TRAPPC9: variants seen among roughly 807,000 people sequenced by gnomAD.
The protein encoded by TRAPPC9 is trafficking protein particle complex subunit 9.
In TRAPPC9, 83 loss-of-function variants were observed where a neutral mutation model predicts 124.0. The observed-to-expected ratio is 0.67, with a 90% CI of 0.56 to 0.80. TRAPPC9 has a LOEUF of 0.80. Ranked by LOEUF, TRAPPC9 falls within the 30% of genes least tolerant of loss-of-function variation. The pLI, the probability that TRAPPC9 is intolerant of heterozygous loss-of-function variation, is 0.00. For missense variants in TRAPPC9, 1,302 were observed against 1,508.3 expected (o/e 0.86, Z 2.27); for synonymous variants, 638 against 617.5 (o/e 1.03, Z -0.49).
intron 21 of TRAPPC9, among the ~76,000 whole-genome samples, chr8:139,790,962 C>T (rs917071193): frequency 1.2e-4 from 18 of 152,124 alleles, no homozygotes; most frequent in African/African-American, 4.3e-4. Context: ...GCCCGCTCTA[C>T]CTTCTGCCAT....
intron 10 of TRAPPC9, among the ~76,000 whole-genome samples, chr8:140,301,182 C>T (rs1402865602): frequency 6.6e-6 from 1 of 152,226 alleles, no homozygotes; most frequent in Non-Finnish European, 1.5e-5. Flanking sequence ...AGAAGGTCAA[C>T]AGCACCCTCT....
At position 139,842,765 on chromosome 8, in the gene TRAPPC9, A is replaced by G. The variant is rs578231180; in HGVS notation, c.3055+43114T>C. Among the ~76,000 whole-genome samples, 24 of 152,284 alleles carry G rather than the reference A, an allele frequency of 1.6e-4. No individual in the cohort carries two copies. The South Asian group carries it at 5.0e-3, about 32-fold the overall frequency. On this transcript the variant is annotated intron_variant, in intron 21 of 22. Transcript: ENST00000438773. ...CATAGACGGGCTCAGGGTGCTGGCCATTGTGCTTCTGGGAGGGCATCCTGG... is the reference window on the plus strand; with the variant it reads ...CATAGACGGGCTCAGGGTGCTGGCCGTTGTGCTTCTGGGAGGGCATCCTGG...
rs138007133 is a variant in TRAPPC9, at chr8:139,955,914, G to A, written c.2810+32812C>T. Among the ~76,000 whole-genome samples the A allele has an allele frequency of 9.9e-4, 151 of 152,300 alleles. No homozygotes were observed. In the Middle Eastern group the frequency reaches 0.017, roughly 17 times the overall value. ...TGCCTTGCTGCCATCCAGCATGACT[G>A]CCCCAGTGCCCCGCCCTCCCTCATG... On this transcript the variant is annotated intron_variant, in intron 19 of 22. Coordinates refer to ENST00000438773, the MANE Select transcript of TRAPPC9 (RefSeq NM_001160372.4).
intron 5 of TRAPPC9, among the ~76,000 whole-genome samples, chr8:140,423,401 T>C (rs1217930824): frequency 4.6e-5 from 7 of 151,678 alleles, no homozygotes; most frequent in Admixed American, 2.0e-4. Flanking sequence ...GACCGCACCA[T>C]TGCACTCCAG....
intron 9 of TRAPPC9, among the ~76,000 whole-genome samples, chr8:140,321,632 G>C (rs1206393087): frequency 6.6e-6 from 1 of 152,180 alleles, no homozygotes; most frequent in Non-Finnish European, 1.5e-5. Context: ...ATTGGGCAGA[G>C]AACGGGGGAA....
intron 17 of TRAPPC9, among the ~76,000 whole-genome samples, chr8:140,159,566 CAT>C (rs1309369249): frequency 6.6e-6 from 1 of 152,204 alleles, no homozygotes; most frequent in Non-Finnish European, 1.5e-5. Context: ...AGCAATATTT[CAT>C]AGATAATGCC....
intron 17 of TRAPPC9, among the ~76,000 whole-genome samples, chr8:140,158,327 G>C (rs539177624): frequency 3.6e-4 from 55 of 152,298 alleles, no homozygotes; most frequent in Admixed American, 1.2e-3. Context: ...TAATCACAAG[G>C]GTCCTTATTA....
chr8:140,131,226 T>C (rs2061203410), intron 17 of TRAPPC9, among the ~76,000 whole-genome samples: 2 of 152,174 alleles, frequency 1.3e-5, no homozygotes, highest in Admixed American at 1.3e-4. Flanking sequence ...CTTTAGGGTA[T>C]ATCAGTAAAA....
chr8:139,808,229 CAGG>C (rs1195923412), intron 21 of TRAPPC9, among the ~76,000 whole-genome samples: 6 of 152,222 alleles, frequency 3.9e-5, no homozygotes, highest in Non-Finnish European at 5.9e-5. Context: ...GAGGCCGAGG[CAGG>C]AGGACTGCCT....
At chr8:140,365,490 G>A (rs1021914100) in intron 8 of TRAPPC9, among the ~76,000 whole-genome samples, 6 of 152,208 alleles carry the variant, frequency 3.9e-5, no homozygotes, top group African/African-American at 7.2e-5. Context: ...GAGATGCCCC[G>A]TAGGCAAACA....
chr8:140,436,264 T>C (rs2070810453), intron 3 of TRAPPC9, among the ~76,000 whole-genome samples: 1 of 152,144 alleles, frequency 6.6e-6, no homozygotes, highest in Non-Finnish European at 1.5e-5. Context: ...GAGAATCGCT[T>C]GAACCTGGGA....
intron 20 of TRAPPC9, among the ~76,000 whole-genome samples, chr8:139,902,416 G>C (rs991041124): frequency 6.6e-6 from 1 of 152,216 alleles, no homozygotes; most frequent in Non-Finnish European, 1.5e-5. Context: ...TCTCTCTGTG[G>C]CTGACAGGGC....
intron 19 of TRAPPC9, among the ~76,000 whole-genome samples, chr8:139,936,605 G>A (rs1397450646): frequency 1.3e-5 from 2 of 152,234 alleles, no homozygotes; most frequent in Non-Finnish European, 2.9e-5. Context: ...AAAGGTAAGT[G>A]TGTGGCACAC....
intron 11 of TRAPPC9, among the ~76,000 whole-genome samples, chr8:140,293,108 G>GA (rs1170501838): frequency 6.7e-6 from 1 of 148,354 alleles, no homozygotes; most frequent in African/African-American, 2.6e-5. Flanking sequence ...AAAAACACAT[G>GA]AAAAAATGCT....
intron 21 of TRAPPC9, among the ~76,000 whole-genome samples, chr8:139,852,828 C>A (rs1827571976): frequency 6.6e-6 from 1 of 152,122 alleles, no homozygotes; most frequent in Non-Finnish European, 1.5e-5. Flanking sequence ...GTTCATGATC[C>A]TTTATTCAAG....
intron 21 of TRAPPC9, among the ~76,000 whole-genome samples, chr8:139,853,903 T>A (rs2130944146): frequency 6.6e-6 from 1 of 152,358 alleles, no homozygotes; most frequent in Admixed American, 6.5e-5. Flanking sequence ...TATGTTAATA[T>A]TTTATACTAC....
At position 140,297,138 on chromosome 8, in the gene TRAPPC9, C is replaced by T. The variant is rs140211046; in HGVS notation, c.1768+3331G>A. ...GCTTACCGCAACACACGCTGGAGCA[C>T]ATCTGGGGCTGCCATCAGGCCCTGC... On this transcript the variant is annotated intron_variant, in intron 11 of 22. Coordinates refer to ENST00000438773, the MANE Select transcript of TRAPPC9 (RefSeq NM_001160372.4). Among the ~76,000 whole-genome samples the T allele has an allele frequency of 4.0e-3, 601 of 152,010 alleles. 1 individual carries two copies. The highest frequency in any genetic ancestry group is 0.013 in the African/African-American group (559 of 41,456).
At chr8:140,114,826 G>C (rs897749198) in intron 17 of TRAPPC9, among the ~76,000 whole-genome samples, 1 of 152,074 alleles carries the variant, frequency 6.6e-6, no homozygotes. Flanking sequence ...AGGAGGGAGG[G>C]AACTGTCGAT....
At chr8:139,880,310 T>G (rs538988917) in intron 21 of TRAPPC9, among the ~76,000 whole-genome samples, 1 of 152,214 alleles carries the variant, frequency 6.6e-6, no homozygotes, top group South Asian at 2.1e-4. Context: ...CAGAATGCAG[T>G]AGGAGTGGAA....
Sources: allele counts gnomAD v4.1 joint callset (sites outside exome capture counted in the v4.1 genomes callset), GRCh38; gene constraint gnomAD v4.1.1; transcripts MANE v1.5; gene names NCBI Gene and HGNC (gene_info 2026-07-23, HGNC 2026-07-21).